MICAL2: variants seen among roughly 807,000 people sequenced by gnomAD.
MICAL2 encodes microtubule associated monooxygenase, calponin and LIM domain containing 2.
Under a neutral mutation model 127.3 loss-of-function variants are expected in MICAL2, and 77 were observed. The observed-to-expected ratio is 0.60, with a 90% CI of 0.50 to 0.73. The LOEUF (loss-of-function observed/expected upper bound fraction) is 0.73, where lower values mean the gene tolerates loss of function less well. MICAL2 is among the 30% of genes least tolerant of loss of function. The pLI, the probability that MICAL2 is intolerant of heterozygous loss-of-function variation, is 0.00. For missense variants in MICAL2, 1,351 were observed against 1,434.4 expected (o/e 0.94, Z 0.94); for synonymous variants, 570 against 551.1 (o/e 1.03, Z -0.48).
intron 6 of MICAL2, among the ~76,000 whole-genome samples, chr11:12,210,933 G>A (rs971846853): frequency 9.2e-5 from 14 of 152,196 alleles, no homozygotes; most frequent in African/African-American, 1.9e-4. Flanking sequence ...CCCCAGGTGC[G>A]ACAACCAAAT....
chr11:12,294,815 CCTCCTCCTCCTCCTCCTCCTCCTCCTA>C (rs767225355), downstream of MICAL2: 1 of 1,508,448 alleles, frequency 6.6e-7, no homozygotes. Flanking sequence ...TCCTCCTCCT[CCTCCTCCTCCTCCTCCTCCTCCTCCTA>C]CAGCGGGAGG....
chr11:12,275,404 G>A (rs1467431467), upstream of MICAL2, among the ~76,000 whole-genome samples: 2 of 152,216 alleles, frequency 1.3e-5, no homozygotes, highest in Non-Finnish European at 2.9e-5. Flanking sequence ...GAGCATGAGT[G>A]TAGACAGAGA....
chr11:12,291,914 A>G (rs943526228), downstream of MICAL2, among the ~76,000 whole-genome samples: 1 of 152,158 alleles, frequency 6.6e-6, no homozygotes, highest in African/African-American at 2.4e-5. Flanking sequence ...CTGAAACACA[A>G]TGGTTATTAG....
intron 22 of MICAL2, chr11:12,249,976 A>G (rs1305210242): frequency 6.6e-6 from 1 of 152,272 alleles, no homozygotes; most frequent in Non-Finnish European, 1.5e-5. Context: ...CAGTGTGAGG[A>G]ACGCTCTGAT....
At chr11:12,270,394 G>A (rs985914375) in intron 24 of MICAL2, among the ~76,000 whole-genome samples, 1 of 152,224 alleles carries the variant, frequency 6.6e-6, no homozygotes, top group Non-Finnish European at 1.5e-5. Flanking sequence ...ACGCGCTGGT[G>A]TGGGGCTGGA....
chr11:12,188,560 G>A (rs1280438609), intron 3 of MICAL2, among the ~76,000 whole-genome samples: 1 of 152,196 alleles, frequency 6.6e-6, no homozygotes, highest in Non-Finnish European at 1.5e-5. Context: ...AAATGTAGTA[G>A]TGCTGAGGTT....
chr11:12,330,900 A>T (rs11022303), intron 32 of MICAL2, among the ~76,000 whole-genome samples: 37,643 of 118,532 alleles, frequency 0.32, 6,361 homozygotes, highest in East Asian at 0.52. Context: ...AGAGAGAGAG[A>T]GTGTGTGTGT....
At chr11:12,285,603 T>C (rs1863817817) in intron 2 of MICAL2, among the ~76,000 whole-genome samples, 1 of 152,212 alleles carries the variant, frequency 6.6e-6, no homozygotes, top group African/African-American at 2.4e-5. Context: ...CATAATTTTC[T>C]CAGTTATAAT....
At chr11:12,123,843 G>A (rs147552987) in intron 1 of MICAL2, among the ~76,000 whole-genome samples, 31 of 152,216 alleles carry the variant, frequency 2.0e-4, no homozygotes, top group African/African-American at 7.5e-4. Context: ...ACATGCCTTA[G>A]TTTGTTCAGA....
chr11:12,358,544 C>T, downstream of MICAL2: 1 of 1,467,902 alleles, frequency 6.8e-7, no homozygotes, highest in African/African-American at 1.4e-5. Context: ...GCACCACACA[C>T]CCTCATGGGT....
At chr11:12,294,016 T>C (rs1475444240), downstream of MICAL2, 2 of 1,614,030 alleles carry the variant, frequency 1.2e-6, no homozygotes, top group African/African-American at 1.3e-5. Flanking sequence ...TGGATTGGAA[T>C]GACTCCATCC....
At chr11:12,257,662 A>C (rs1862502942) in intron 24 of MICAL2, among the ~76,000 whole-genome samples, 1 of 152,200 alleles carries the variant, frequency 6.6e-6, no homozygotes, top group Non-Finnish European at 1.5e-5. Context: ...CCTCATCTGT[A>C]AAATGAGGTT....
chr11:12,143,963 G>T (rs113735149), intron 2 of MICAL2, among the ~76,000 whole-genome samples: 2 of 152,030 alleles, frequency 1.3e-5, no homozygotes, highest in Admixed American at 6.6e-5. Context: ...GAGAGAGAGC[G>T]CCAGGAACTC....
At chr11:12,244,136 T>C (rs1416880174) in intron 21 of MICAL2, 24 bp downstream of exon 21, 1 of 1,613,870 alleles carries the variant, frequency 6.2e-7, no homozygotes, top group African/African-American at 1.3e-5. Flanking sequence ...ACAATTTGCT[T>C]TCCCTATTCC....
Position 12,131,230 on chromosome 11 carries a change from T to C in MICAL2, c.-148-7160T>C, listed in dbSNP as rs1851388445. 5.7e-5 allele frequency among the ~76,000 whole-genome samples: 2 copies of C among 34,920 alleles called. 1 individual carries two copies. The highest frequency in any genetic ancestry group is 1.9e-4 in the Non-Finnish European group (2 of 10,746). The allele number at this position is 34,920 out of a possible 152,430, so 22.9% of individuals were successfully genotyped here. A position where few individuals can be genotyped will look rare whatever the true frequency, so the allele number is the denominator to read the frequency against. ...ATGGCGTGAACCCGGGAGGCGGAGC[T>C]TGCAGTGAGCCGAGATTGCGCCACT... On this transcript the variant is annotated intron_variant, in intron 1 of 27. Transcript: ENST00000683283.
chr11:12,332,195 T>A (rs2134863704), intron 32 of MICAL2, among the ~76,000 whole-genome samples: 1 of 152,316 alleles, frequency 6.6e-6, no homozygotes, highest in South Asian at 2.1e-4. Flanking sequence ...AAATAGATAT[T>A]CTTTAGGTTT....
intron 24 of MICAL2, among the ~76,000 whole-genome samples, chr11:12,258,067 A>T (rs974954153): frequency 6.6e-6 from 1 of 152,090 alleles, no homozygotes; most frequent in Non-Finnish European, 1.5e-5. Context: ...GATTTTTTTT[A>T]AATGTTGTCC....
intron 8 of MICAL2, among the ~76,000 whole-genome samples, chr11:12,218,459 T>C (rs1856447168): frequency 6.6e-6 from 1 of 152,288 alleles, no homozygotes; most frequent in East Asian, 1.9e-4. Context: ...GTCCCCACTC[T>C]CCTGCATGAG....
chr11:12,298,569 T>C (rs1864012276), intron 29 of MICAL2, among the ~76,000 whole-genome samples: 1 of 152,320 alleles, frequency 6.6e-6, no homozygotes, highest in Admixed American at 6.5e-5. Flanking sequence ...ATATTCCTAC[T>C]CATAATGAGA....
Sources: gnomAD v4.1 joint callset for allele counts (sites outside exome capture counted in the v4.1 genomes callset) on GRCh38, gnomAD v4.1.1 for gene constraint, MANE v1.5 for transcripts, NCBI Gene and HGNC (gene_info 2026-07-23, HGNC 2026-07-21) for gene names.